ATP11A: variants seen among roughly 807,000 people sequenced by gnomAD.
ATP11A encodes the protein phospholipid-transporting ATPase IH.
In ATP11A, 81 loss-of-function variants were observed where a neutral mutation model predicts 154.4. The ratio of observed to expected loss-of-function variants is 0.52; its 90% CI spans 0.44 to 0.63. The LOEUF is 0.63. Ranked by LOEUF, ATP11A falls within the 30% of genes least tolerant of loss-of-function variation. The pLI is 0.00. For synonymous variants in ATP11A, 623 were observed against 585.9 expected (o/e 1.06, Z -0.91); for missense variants, 1,316 against 1,474.3 (o/e 0.89, Z 1.76).
intron 1 of ATP11A, among the ~76,000 whole-genome samples, chr13:112,766,487 G>T (rs1283226525): frequency 6.6e-6 from 1 of 152,160 alleles, no homozygotes. Flanking sequence ...TCCCTGCAGA[G>T]CTGCGTCCAG....
intron 6 of ATP11A, among the ~76,000 whole-genome samples, chr13:112,816,543 A>AT (rs1435085806): frequency 6.6e-6 from 1 of 152,186 alleles, no homozygotes; most frequent in Non-Finnish European, 1.5e-5. Flanking sequence ...CCTGGCACCC[A>AT]TGCAGGAGCA....
intron 6 of ATP11A, 38 bp from the exon 7 acceptor site, chr13:112,819,266 G>A (rs776619295): frequency 1.4e-5 from 22 of 1,586,350 alleles, no homozygotes; most frequent in East Asian, 2.2e-5. Flanking sequence ...TGTGTTGACC[G>A]TTTTGGCGGT....
chr13:112,758,672 C>A (rs1349315417), intron 1 of ATP11A, among the ~76,000 whole-genome samples: 1 of 152,198 alleles, frequency 6.6e-6, no homozygotes, highest in African/African-American at 2.4e-5. Flanking sequence ...ATCCGCCCAT[C>A]TCGGCCTCCC....
At chr13:112,703,510 A>G (rs892182502) in intron 1 of ATP11A, among the ~76,000 whole-genome samples, 2 of 152,282 alleles carry the variant, frequency 1.3e-5, no homozygotes, top group Non-Finnish European at 2.9e-5. Flanking sequence ...CAAAGAGGAC[A>G]GTCAGAAAAA....
rs2080924786 is a variant in ATP11A, at chr13:112,883,231, G to A, written c.*1365G>A. On this transcript the variant is annotated 3_prime_UTR_variant, in exon 30 of 30. Coordinates refer to ENST00000375645, the MANE Select transcript of ATP11A (RefSeq NM_015205.3). ...TAGGATCTGTCCAGCGCTGCTCTGGGTGGGTTAGCAACCCCAGGGCTGCTG... is the reference window on the plus strand; with the variant it reads ...TAGGATCTGTCCAGCGCTGCTCTGGATGGGTTAGCAACCCCAGGGCTGCTG... The A allele has an allele frequency of 2.5e-6, 1 of 398,590 alleles. No individual in the cohort carries two copies. The highest frequency in any genetic ancestry group is 4.4e-5 in the Admixed American group (1 of 22,714). The allele number at this position is 398,590 out of a possible 1,614,324, so 24.7% of individuals were successfully genotyped here.
At chr13:112,741,579 G>A (rs970323712) in intron 1 of ATP11A, among the ~76,000 whole-genome samples, 13 of 152,214 alleles carry the variant, frequency 8.5e-5, no homozygotes, top group South Asian at 2.1e-4. Context: ...AACTGGGGCA[G>A]GCCATAGCCT....
chr13:112,880,873 A>T, intron 29 of ATP11A: 1 of 1,029,238 alleles, frequency 9.7e-7, no homozygotes, highest in Non-Finnish European at 1.2e-6. Flanking sequence ...GTGCACACTC[A>T]CCCCACACGC....
chr13:112,728,462 G>A (rs1210299524), intron 1 of ATP11A, among the ~76,000 whole-genome samples: 19 of 149,712 alleles, frequency 1.3e-4, no homozygotes, highest in Non-Finnish European at 2.5e-4. Context: ...GGGGCCGTGA[G>A]ACCGTGCAGC....
intron 1 of ATP11A, among the ~76,000 whole-genome samples, chr13:112,693,004 G>T (rs1024059594): frequency 1.3e-5 from 2 of 152,148 alleles, no homozygotes; most frequent in African/African-American, 4.8e-5. Context: ...AGAATTCCTG[G>T]GACAAAGAAA....
chr13:112,714,537 A>G (rs1888206750), intron 1 of ATP11A, among the ~76,000 whole-genome samples: 1 of 151,042 alleles, frequency 6.6e-6, no homozygotes, highest in South Asian at 2.1e-4. Flanking sequence ...TGGCGTCTCC[A>G]CTCCTGACCT....
chr13:112,735,350 A>G (rs956025217), intron 1 of ATP11A, among the ~76,000 whole-genome samples: 1 of 152,214 alleles, frequency 6.6e-6, no homozygotes, highest in Non-Finnish European at 1.5e-5. Flanking sequence ...GCCCAGCGAT[A>G]TAGCCTTCCG....
At chr13:112,811,559 T>C (rs1231243274) in intron 5 of ATP11A, 2 of 152,144 alleles carry the variant, frequency 1.3e-5, no homozygotes, top group Admixed American at 6.5e-5. Flanking sequence ...TTTATGAAAA[T>C]TGGAACAGAA....
chr13:112,879,520 T>G (rs570477459), intron 29 of ATP11A, among the ~76,000 whole-genome samples: 2 of 152,214 alleles, frequency 1.3e-5, no homozygotes, highest in Non-Finnish European at 2.9e-5. Flanking sequence ...TTCTAACGAT[T>G]CATGTAGTTT....
chr13:112,809,555 C>G (rs1335248763), intron 4 of ATP11A, among the ~76,000 whole-genome samples: 2 of 152,042 alleles, frequency 1.3e-5, no homozygotes, highest in Non-Finnish European at 2.9e-5. Flanking sequence ...TGTGTCTCAG[C>G]ACACATGCAG....
intron 13 of ATP11A, among the ~76,000 whole-genome samples, chr13:112,832,339 G>T (rs566633340): frequency 1.8e-4 from 27 of 152,206 alleles, no homozygotes; most frequent in Admixed American, 3.9e-4. Context: ...AGCTGCAGGC[G>T]CAGGATAATA....
At chr13:112,816,253 G>A in intron 6 of ATP11A, 42 bp downstream of exon 6, 1 of 1,613,510 alleles carries the variant, frequency 6.2e-7, no homozygotes, top group Non-Finnish European at 8.5e-7. Flanking sequence ...GGATCTTCCT[G>A]TCCTGCTTCG....
At chr13:112,879,394 C>G (rs149885573) in intron 29 of ATP11A, among the ~76,000 whole-genome samples, 2,474 of 152,306 alleles carry the variant, frequency 0.016, 44 homozygotes, top group Non-Finnish European at 0.019. Flanking sequence ...AATTTCATCT[C>G]ACCATTTCTG....
At chr13:112,853,320 A>G (rs1000658741) in intron 18 of ATP11A, among the ~76,000 whole-genome samples, 1 of 152,094 alleles carries the variant, frequency 6.6e-6, no homozygotes, top group Non-Finnish European at 1.5e-5. Flanking sequence ...ATACATACAC[A>G]CACATAAAAT....
chr13:112,723,552 G>A (rs1405467070), intron 1 of ATP11A, among the ~76,000 whole-genome samples: 3 of 151,026 alleles, frequency 2.0e-5, no homozygotes, highest in African/African-American at 4.9e-5. Flanking sequence ...GATTACAGGC[G>A]TGAGCCACCG....
Sources: allele counts gnomAD v4.1 joint callset (sites outside exome capture counted in the v4.1 genomes callset), GRCh38; gene constraint gnomAD v4.1.1; transcripts MANE v1.5; gene names NCBI Gene and HGNC (gene_info 2026-07-23, HGNC 2026-07-21).